ATAT1: variants seen among roughly 807,000 people sequenced by gnomAD.
The protein encoded by ATAT1 is alpha-tubulin N-acetyltransferase 1.
In ATAT1, 42 loss-of-function variants were observed where a neutral mutation model predicts 57.2. The observed-to-expected ratio is 0.73, with a 90% confidence interval of 0.57 to 0.95. ATAT1 has a LOEUF of 0.95. Ranked by LOEUF, ATAT1 falls within the 40% of genes least tolerant of loss-of-function variation. The pLI is 0.00. For missense variants in ATAT1, 454 were observed against 523.7 expected (o/e 0.87, Z 1.30); for synonymous variants, 168 against 187.1 (o/e 0.90, Z 0.83).
intron 6 of ATAT1, among the ~76,000 whole-genome samples, chr6:30,630,729 G>A (rs1052353324): frequency 1.3e-5 from 2 of 151,976 alleles, no homozygotes; most frequent in African/African-American, 4.8e-5. Flanking sequence ...CCTGATATCA[G>A]GAGTTCGAGA....
chr6:30,633,060 G>C (rs1013203063), intron 6 of ATAT1, among the ~76,000 whole-genome samples: 1 of 152,190 alleles, frequency 6.6e-6, no homozygotes, highest in Non-Finnish European at 1.5e-5. Context: ...GGTAGCAGTA[G>C]TGATGGTAAA....
chr6:30,646,260 C>T, intron 12 of ATAT1, 151 bp downstream of exon 12: 1 of 1,460,434 alleles, frequency 6.8e-7, no homozygotes, highest in Non-Finnish European at 9.1e-7. Context: ...TCCTGCAAGC[C>T]CCTTTCCCCC....
intron 10 of ATAT1, among the ~76,000 whole-genome samples, chr6:30,645,540 T>C (rs1358823623): frequency 1.3e-5 from 2 of 152,124 alleles, no homozygotes; most frequent in African/African-American, 4.8e-5. Flanking sequence ...ATAGTTAAGG[T>C]AACCCTGTTT....
intron 6 of ATAT1, among the ~76,000 whole-genome samples, chr6:30,639,667 TG>T (rs1206280329): frequency 3.3e-5 from 5 of 151,414 alleles, no homozygotes; most frequent in Admixed American, 2.6e-4. Context: ...TTAGTAGAGA[TG>T]GGGTTTCACC....
chr6:30,628,669 ATC>A (rs1177313683), intron 6 of ATAT1, among the ~76,000 whole-genome samples: 4 of 152,018 alleles, frequency 2.6e-5, no homozygotes, highest in Non-Finnish European at 5.9e-5. Context: ...CAGTGGCGCA[ATC>A]TCAGCTCACT....
chr6:30,627,666 G>A lies in ATAT1; in HGVS notation c.163G>A (p.Ala55Thr), dbSNP rs750346576. The stretch of plus-strand genomic sequence containing the variant: ...GAATCTTTCCGCTCCTATCACTAGT[G>A]CATCAAGGATGCAGAGTAACCGCCA... Residue 55 changes from alanine (A) to threonine (T), a missense_variant, in exon 3 of 13, where the codon GCA becomes ACA. This residue lies in a region of ATAT1 where 236 missense variants were observed against 284.5 expected (regional missense o/e 0.83). Coordinates refer to ENST00000330083, the MANE Select transcript of ATAT1 (RefSeq NM_001031722.4). 1.2e-6 allele frequency: 2 copies of A among 1,613,032 alleles called. No individual in the cohort carries two copies. The highest frequency in any genetic ancestry group is 1.7e-6 in the Non-Finnish European group (2 of 1,180,018).
At chr6:30,641,643 T>G in intron 8 of ATAT1, 2 of 428,332 alleles carry the variant, frequency 4.7e-6, no homozygotes, top group South Asian at 1.0e-4. Flanking sequence ...CCCATATTTA[T>G]TTTCTTTTTT....
In ATAT1 at chr6:30,626,933, G is replaced by A. The variant is rs1041899683; in HGVS notation, c.-271G>A. ...ACGCGCTGTTCCCGGAGCGGATCAC[G>A]GTGCTGGACCAGCACCTGAGGCCCC... On this transcript the variant is annotated 5_prime_UTR_variant, in exon 1 of 13. Coordinates refer to ENST00000330083, the MANE Select transcript of ATAT1 (RefSeq NM_001031722.4). 8 of 1,609,572 alleles carry A rather than the reference G, an allele frequency of 5.0e-6. No homozygotes were observed. In the African/African-American group the frequency reaches 5.3e-5, roughly 11 times the overall value.
At chr6:30,636,037 C>T (rs1039303438) in intron 6 of ATAT1, among the ~76,000 whole-genome samples, 1 of 151,956 alleles carries the variant, frequency 6.6e-6, no homozygotes, top group Non-Finnish European at 1.5e-5. Flanking sequence ...GAATGGGCGG[C>T]GGGGGCGTTG....
At chr6:30,641,837 G>C (rs933749754) in intron 8 of ATAT1, 1 of 1,114,008 alleles carries the variant, frequency 9.0e-7, no homozygotes, top group African/African-American at 1.6e-5. Flanking sequence ...CACTGCCCCA[G>C]AATACCAGGG....
rs780779396 is a variant in ATAT1 at position 30,634,936 on chromosome 6, C to T, written c.502-5441C>T. Reference sequence around the variant, plus strand: ...CCGGGAGGCAGAGCTTGCAGTGAGCCAAGATTGTGCCACTGCACTCCAGCC... The same window carrying T: ...CCGGGAGGCAGAGCTTGCAGTGAGCTAAGATTGTGCCACTGCACTCCAGCC... On this transcript the variant is annotated intron_variant, in intron 6 of 12. Transcript: ENST00000330083. Among the ~76,000 whole-genome samples the T allele has an allele frequency of 1.2e-3, 184 of 151,902 alleles. 1 individual carries two copies. The highest frequency in any genetic ancestry group is 8.1e-4 in the Non-Finnish European group (55 of 67,986).
rs1407151490 is a variant in ATAT1, at chr6:30,644,537, T to C, written c.933-1358T>C. 3.0e-6 allele frequency: 3 copies of C among 985,744 alleles called. No individual in the cohort carries two copies. In the African/African-American group the frequency reaches 5.2e-5, roughly 17 times the overall value. The allele number at this position is 985,744 out of a possible 1,614,324, so 61.1% of individuals were successfully genotyped here. On this transcript the variant is annotated intron_variant, in intron 10 of 12. Transcript: ENST00000330083. ...AGATCAGGTGCCCCACTGTGTTTCC[T>C]GAAATCCTTGGGAGCCGGATCTCCC...
chr6:30,643,510 C>A, intron 10 of ATAT1: 3 of 1,550,760 alleles, frequency 1.9e-6, no homozygotes, highest in Non-Finnish European at 2.6e-6. Context: ...TTCCTCCCAT[C>A]CATAACATCC....
chr6:30,642,833 G>GGGGGGGGGGCGCCCC lies in ATAT1; in HGVS notation c.754_755insGGGGGGGGGCGCCCC (p.Ala252delinsGlyGlyGlyAlaProPro). 2.0e-6 allele frequency: 3 copies of GGGGGGGGGGCGCCCC among 1,537,872 alleles called. No homozygotes were observed. Among genetic ancestry groups the GGGGGGGGGGCGCCCC allele is most frequent in the Non-Finnish European group, 1.7e-6 (2 of 1,145,780 alleles). ...GGCCCCTCGCCGCGCCACACCTCCA[G>GGGGGGGGGGCGCCCC]CCCACCCACCCCCCCGCTCCAGCAG... On this transcript the variant is annotated protein_altering_variant, in exon 10 of 13. Coordinates refer to ENST00000330083, the MANE Select transcript of ATAT1 (RefSeq NM_001031722.4).
chr6:30,645,729 C>T (rs1425853276), intron 10 of ATAT1, among the ~76,000 whole-genome samples, 166 bp from the exon 11 acceptor site: 2 of 152,168 alleles, frequency 1.3e-5, no homozygotes, highest in Non-Finnish European at 2.9e-5. Context: ...GAACTTCCCC[C>T]GCCCTTTTCT....
intron 6 of ATAT1, among the ~76,000 whole-genome samples, chr6:30,634,974 C>T (rs781625038): frequency 2.0e-5 from 3 of 151,978 alleles, no homozygotes; most frequent in Non-Finnish European, 2.9e-5. Context: ...GGCAACAGAG[C>T]GAGACTACAT....
At chr6:30,638,227 T>C (rs1011108525) in intron 6 of ATAT1, among the ~76,000 whole-genome samples, 1 of 152,050 alleles carries the variant, frequency 6.6e-6, no homozygotes, top group Non-Finnish European at 1.5e-5. Context: ...GGTCTTGCTA[T>C]ATTGCCCAGG....
In ATAT1 at chr6:30,646,100, C is replaced by CA. The variant is rs763375322; in HGVS notation, c.1049dup (p.Asn351GlufsTer2). ...GACTCCAAGCAGGGAGAACAGGAAACAAAGAATAGGTGAGGTCTAAACCCC... is the reference window on the plus strand; with the variant it reads ...GACTCCAAGCAGGGAGAACAGGAAACAAAAGAATAGGTGAGGTCTAAACCCC... On this transcript the variant is annotated frameshift_variant, in exon 12 of 13. Transcript: ENST00000330083. LOFTEE classifies it low-confidence loss of function (END_TRUNC). 292 of 1,609,600 alleles carry CA rather than the reference C, an allele frequency of 1.8e-4. No individual in the cohort carries two copies. The highest frequency in any genetic ancestry group is 3.8e-4 in the South Asian group (34 of 90,110).
chr6:30,633,647 G>T, intron 6 of ATAT1: 1 of 199,456 alleles, frequency 5.0e-6, no homozygotes. Context: ...AGAGGCAGTT[G>T]TGGACACAAG....
Sources: allele counts gnomAD v4.1 joint callset (sites outside exome capture counted in the v4.1 genomes callset), GRCh38; gene constraint gnomAD v4.1.1; regional missense constraint gnomAD v4.1.1; transcripts MANE v1.5; gene names NCBI Gene and HGNC (gene_info 2026-07-23, HGNC 2026-07-21).